WDPCP: variants seen among roughly 807,000 people sequenced by gnomAD.
WDPCP encodes WD repeat containing planar cell polarity effector, also known as WD repeat-containing and planar cell polarity effector protein fritz homolog.
WDPCP carries 71 observed loss-of-function variants against 93.1 expected under a neutral mutation model. The observed-to-expected ratio is 0.76, with a 90% CI of 0.63 to 0.93. The LOEUF (loss-of-function observed/expected upper bound fraction) is 0.93, where lower values mean the gene tolerates loss of function less well. Ranked by LOEUF, WDPCP falls within the 40% of genes least tolerant of loss-of-function variation. WDPCP has a pLI of 0.00. For missense variants in WDPCP, 844 were observed against 887.4 expected, an observed-to-expected ratio of 0.95 and a Z score of 0.62; for synonymous variants, 315 against 315.0, an observed-to-expected ratio of 1.00 and a Z score of 0.00.
chr2:63,286,221 C>A (rs990695027), intron 13 of WDPCP, among the ~76,000 whole-genome samples: 1 of 152,124 alleles, frequency 6.6e-6, no homozygotes, highest in African/African-American at 2.4e-5. Flanking sequence ...GCCTCTGAGT[C>A]CAAGCTAAGC....
chr2:63,397,007 A>T (rs1372332907), intron 10 of WDPCP, among the ~76,000 whole-genome samples: 3 of 152,170 alleles, frequency 2.0e-5, no homozygotes, highest in African/African-American at 7.2e-5. Flanking sequence ...TTCAAGCTGG[A>T]GAATCCATGA....
chr2:63,797,418 G>A (rs948771907), intron 2 of WDPCP, among the ~76,000 whole-genome samples: 2 of 151,960 alleles, frequency 1.3e-5, no homozygotes, highest in South Asian at 2.1e-4. Flanking sequence ...GCCCCTGGAC[G>A]GCATTTCTGG....
chr2:63,833,986 C>A, the WDPCP span, among the ~76,000 whole-genome samples: 3 of 152,174 alleles, frequency 2.0e-5, no homozygotes, highest in African/African-American at 7.2e-5. Flanking sequence ...CACACACACA[C>A]ACACACACAA....
At chr2:63,440,224 AT>A (rs146602765) in intron 6 of WDPCP, 7,929 of 194,770 alleles carry the variant, frequency 0.041, 206 homozygotes, top group South Asian at 0.066. Flanking sequence ...ATTTTGAAAA[AT>A]TACTATTATA....
intron 3 of WDPCP, among the ~76,000 whole-genome samples, chr2:63,614,926 T>A (rs1709656858): frequency 6.6e-6 from 1 of 152,140 alleles, no homozygotes. Context: ...AAACAGACAA[T>A]TTTCCCTAGG....
intron 6 of WDPCP, among the ~76,000 whole-genome samples, chr2:63,451,119 A>G (rs1320918093): frequency 6.6e-6 from 1 of 152,082 alleles, no homozygotes; most frequent in Non-Finnish European, 1.5e-5. Context: ...AATTCAAGAT[A>G]TGAACGAGAA....
intron 1 of WDPCP, among the ~76,000 whole-genome samples, chr2:63,823,707 C>T (rs200928463): frequency 6.6e-6 from 1 of 152,064 alleles, no homozygotes; most frequent in East Asian, 1.9e-4. Context: ...CCTAAATACA[C>T]CAGTAACCTT....
the WDPCP span, among the ~76,000 whole-genome samples, chr2:63,834,343 C>G: frequency 1.3e-5 from 2 of 152,188 alleles, no homozygotes; most frequent in Non-Finnish European, 2.9e-5. Context: ...GACCTCTTAA[C>G]ATTTTCTTTG....
At chr2:63,335,292 G>C (rs1476368776) in intron 12 of WDPCP, among the ~76,000 whole-genome samples, 1 of 152,104 alleles carries the variant, frequency 6.6e-6, no homozygotes, top group African/African-American at 2.4e-5. Context: ...TTTTTCCTGT[G>C]AATCTGTATT....
intron 13 of WDPCP, among the ~76,000 whole-genome samples, chr2:63,296,662 A>G (rs1288259673): frequency 1.3e-5 from 2 of 152,218 alleles, no homozygotes; most frequent in African/African-American, 4.8e-5. Flanking sequence ...ATTCAAGCTG[A>G]GAGTCAAATC....
chr2:63,332,403 T>C (rs1688044059), intron 12 of WDPCP, among the ~76,000 whole-genome samples: 1 of 152,106 alleles, frequency 6.6e-6, no homozygotes, highest in Admixed American at 6.6e-5. Context: ...GCACTTGGTA[T>C]TGTCTTTTAA....
intron 15 of WDPCP, among the ~76,000 whole-genome samples, chr2:63,166,472 T>C (rs957838640): frequency 2.6e-5 from 4 of 152,112 alleles, no homozygotes; most frequent in African/African-American, 9.7e-5. Flanking sequence ...AGGGGCGCGA[T>C]CAGCTCACTA....
At chr2:63,145,572 A>C (rs974304025) in intron 17 of WDPCP, among the ~76,000 whole-genome samples, 2 of 152,172 alleles carry the variant, frequency 1.3e-5, no homozygotes, top group African/African-American at 4.8e-5. Context: ...CCCAGCTCCC[A>C]TGCAAACTGA....
At chr2:63,665,331 C>T (rs1229380812) in intron 2 of WDPCP, among the ~76,000 whole-genome samples, 4 of 152,198 alleles carry the variant, frequency 2.6e-5, no homozygotes, top group Non-Finnish European at 4.4e-5. Flanking sequence ...ATCTGATGTT[C>T]CTTGGCCTGT....
At chr2:63,273,125 G>T (rs943252602) in intron 13 of WDPCP, among the ~76,000 whole-genome samples, 4 of 152,086 alleles carry the variant, frequency 2.6e-5, no homozygotes, top group Non-Finnish European at 5.9e-5. Flanking sequence ...TCAGCCAAGA[G>T]TACTGTACCC....
intron 13 of WDPCP, among the ~76,000 whole-genome samples, chr2:63,265,022 AATAT>A (rs1170441287): frequency 6.6e-6 from 1 of 152,196 alleles, no homozygotes; most frequent in Non-Finnish European, 1.5e-5. Flanking sequence ...ATGAAAACAC[AATAT>A]ACCAAAACAT....
intron 1 of WDPCP, among the ~76,000 whole-genome samples, chr2:63,556,411 T>C (rs188805322): frequency 1.8e-3 from 279 of 152,314 alleles, no homozygotes; most frequent in Non-Finnish European, 2.9e-3. Flanking sequence ...TGGAACCAAG[T>C]TGGAAAACAT....
chr2:63,226,653 C>T (rs182140453), intron 14 of WDPCP, among the ~76,000 whole-genome samples: 5 of 151,920 alleles, frequency 3.3e-5, no homozygotes, highest in Admixed American at 1.3e-4. Context: ...ACACACTTTA[C>T]AAAATAATGG....
At chr2:63,423,438 C>G (rs1696022571) in intron 9 of WDPCP, among the ~76,000 whole-genome samples, 1 of 152,042 alleles carries the variant, frequency 6.6e-6, no homozygotes, top group African/African-American at 2.4e-5. Flanking sequence ...TTGAAAAATC[C>G]CTGGAAAATT....
Sources: allele counts gnomAD v4.1 joint callset (sites outside exome capture counted in the v4.1 genomes callset), GRCh38; gene constraint gnomAD v4.1.1; transcripts MANE v1.5; gene names NCBI Gene and HGNC (gene_info 2026-07-23, HGNC 2026-07-21).